Variants in HS3ST5 observed in about 807,000 individuals in gnomAD.
The protein encoded by HS3ST5 is heparan sulfate-glucosamine 3-sulfotransferase 5.
HS3ST5 carries 10 observed loss-of-function variants against 25.4 expected under a neutral mutation model. The observed-to-expected ratio is 0.39, with a 90% CI of 0.24 to 0.67. The LOEUF (loss-of-function observed/expected upper bound fraction) is 0.67, where lower values mean the gene tolerates loss of function less well. Ranked by LOEUF, HS3ST5 falls within the 30% of genes least tolerant of loss-of-function variation. HS3ST5 has a pLI of 0.44. For synonymous variants in HS3ST5, 170 were observed against 162.4 expected (o/e 1.05, Z -0.36); for missense variants, 324 against 420.7 (o/e 0.77, Z 2.01).
chr6:114,288,366 C>T (rs988378240), intron 1 of HS3ST5, among the ~76,000 whole-genome samples: 1 of 151,846 alleles, frequency 6.6e-6, no homozygotes, highest in African/African-American at 2.4e-5. Flanking sequence ...TTATGAACTG[C>T]GATTATATTA....
intron 3 of HS3ST5, among the ~76,000 whole-genome samples, chr6:114,092,295 C>T (rs1276882626): frequency 1.3e-5 from 2 of 152,202 alleles, no homozygotes; most frequent in Non-Finnish European, 2.9e-5. Flanking sequence ...GTGTTGAATA[C>T]ATAGCTGCTG....
intron 1 of HS3ST5, among the ~76,000 whole-genome samples, chr6:114,321,076 A>C (rs1775953136): frequency 6.6e-6 from 1 of 152,000 alleles, no homozygotes; most frequent in South Asian, 2.1e-4. Flanking sequence ...GAACAAATAA[A>C]TGAATGGATT....
intron 1 of HS3ST5, among the ~76,000 whole-genome samples, chr6:114,341,222 G>GGAGA (rs4034605): frequency 0.12 from 5,360 of 46,490 alleles, 672 homozygotes; most frequent in Middle Eastern, 0.15. Flanking sequence ...GGAGAGAGGG[G>GGAGA]GAGAGAGAGA....
At chr6:114,159,972 A>G (rs1376452994) in intron 3 of HS3ST5, among the ~76,000 whole-genome samples, 1 of 152,220 alleles carries the variant, frequency 6.6e-6, no homozygotes, top group Non-Finnish European at 1.5e-5. Context: ...AGCAAATGTA[A>G]AACTTGTAAA....
chr6:114,167,606 C>T (rs1031607365), intron 3 of HS3ST5: 3 of 152,182 alleles, frequency 2.0e-5, no homozygotes, highest in African/African-American at 7.2e-5. Flanking sequence ...AGTCCCTGCT[C>T]TGAGCCACTT....
At chr6:114,237,323 C>T (rs1374534287) in intron 1 of HS3ST5, among the ~76,000 whole-genome samples, 2 of 143,000 alleles carry the variant, frequency 1.4e-5, no homozygotes, top group South Asian at 2.3e-4. Context: ...AAACAAGATA[C>T]GAGTACTTTT....
chr6:114,057,469 G>C lies in HS3ST5; in HGVS notation c.829C>G (p.Pro277Ala). The C allele has an allele frequency of 6.2e-7, 1 of 1,614,122 alleles. No individual in the cohort carries two copies. The highest frequency in any genetic ancestry group is 8.5e-7 in the Non-Finnish European group (1 of 1,180,008). Reference sequence around the variant, plus strand: ...TATAAATTGTATTGACTTATCCTTGGAGGCAGATTTAGGAACTTCTCCACG... The same window carrying C: ...TATAAATTGTATTGACTTATCCTTGCAGGCAGATTTAGGAACTTCTCCACG... Reference protein sequence around the residue: ...QLVEKFLNLPPRISQYNLYFN... With the variant: ...QLVEKFLNLPARISQYNLYFN... The change falls in exon 5 of 5, where the codon CCA becomes GCA. Residue 277 changes from proline to alanine, a missense_variant. Coordinates refer to ENST00000312719, the MANE Select transcript of HS3ST5 (RefSeq NM_153612.4).
At chr6:114,250,816 T>C (rs756672198) in intron 1 of HS3ST5, among the ~76,000 whole-genome samples, 6 of 152,324 alleles carry the variant, frequency 3.9e-5, no homozygotes, top group Non-Finnish European at 7.3e-5. Flanking sequence ...TCTACACTAA[T>C]GCACCTCACT....
chr6:114,187,081 C>G (rs1339629457), intron 2 of HS3ST5, among the ~76,000 whole-genome samples: 1 of 152,120 alleles, frequency 6.6e-6, no homozygotes, highest in Non-Finnish European at 1.5e-5. Context: ...GATAATACAC[C>G]TAGTCACCCA....
intron 1 of HS3ST5, among the ~76,000 whole-genome samples, chr6:114,335,413 G>A (rs1819199): frequency 0.16 from 24,954 of 151,906 alleles, 2,481 homozygotes; most frequent in Admixed American, 0.23. Context: ...TTTATACACT[G>A]AGTTCTATAA....
At chr6:114,064,000 G>T (rs953823349) in intron 3 of HS3ST5, among the ~76,000 whole-genome samples, 2 of 152,200 alleles carry the variant, frequency 1.3e-5, no homozygotes, top group Non-Finnish European at 2.9e-5. Context: ...TACTAGTGCT[G>T]TTATTAAATT....
chr6:114,167,095 C>T (rs1779252804), intron 3 of HS3ST5, among the ~76,000 whole-genome samples: 1 of 152,190 alleles, frequency 6.6e-6, no homozygotes, highest in Admixed American at 6.5e-5. Flanking sequence ...AAGCCATTCT[C>T]CTGCCTCAGT....
intron 1 of HS3ST5, among the ~76,000 whole-genome samples, chr6:114,339,699 T>G (rs980597448): frequency 6.6e-6 from 1 of 152,132 alleles, no homozygotes; most frequent in Non-Finnish European, 1.5e-5. Context: ...GCACAGATAG[T>G]TATATTACTC....
chr6:114,141,091 C>T (rs1200967604), intron 3 of HS3ST5, among the ~76,000 whole-genome samples: 1 of 152,136 alleles, frequency 6.6e-6, no homozygotes, highest in African/African-American at 2.4e-5. Context: ...ATCAAGAGGA[C>T]ACCTCTGGCT....
Position 114,123,613 on chromosome 6 carries a change from G to T in HS3ST5, c.-33+44738C>A, listed in dbSNP as rs1054619065. On this transcript the variant is annotated intron_variant, in intron 3 of 4. Coordinates refer to ENST00000312719, the MANE Select transcript of HS3ST5 (RefSeq NM_153612.4). ...CAATCAAGTCACTTTTTGAATGCAA[G>T]CATATAGATCCACAATCCCATTCAG... Among the ~76,000 whole-genome samples, 20 of 152,230 alleles carry T rather than the reference G, an allele frequency of 1.3e-4. 1 individual carries two copies. In the South Asian group the frequency reaches 3.9e-3, roughly 30 times the overall value.
rs7755123 is a variant in HS3ST5 at position 114,283,794 on chromosome 6, T to C, written c.-338-55016A>G. 4.1e-3 allele frequency among the ~76,000 whole-genome samples: 630 copies of C among 152,180 alleles called. 7 individuals are homozygous for C. Among genetic ancestry groups the C allele is most frequent in the African/African-American group, 0.014 (596 of 41,548 alleles). On this transcript the variant is annotated intron_variant, in intron 1 of 4. Coordinates refer to ENST00000312719, the MANE Select transcript of HS3ST5 (RefSeq NM_153612.4). The stretch of plus-strand genomic sequence containing the variant: ...GAAATTTATTGCCTGTGCTGAGAAA[T>C]ACTATTAGAAACTGATTCAGGATAT...
chr6:114,317,026 CTA>C (rs1775773169), intron 1 of HS3ST5, among the ~76,000 whole-genome samples: 2 of 152,090 alleles, frequency 1.3e-5, no homozygotes, highest in Non-Finnish European at 2.9e-5. Flanking sequence ...AATTATTCTT[CTA>C]TGTTTTAATG....
At chr6:114,249,358 T>G (rs1039167446) in intron 1 of HS3ST5, among the ~76,000 whole-genome samples, 5 of 152,246 alleles carry the variant, frequency 3.3e-5, no homozygotes, top group African/African-American at 1.2e-4. Context: ...CAATCATGCA[T>G]TTAAAGTTAC....
At chr6:114,296,267 C>T (rs1329504750) in intron 1 of HS3ST5, among the ~76,000 whole-genome samples, 2 of 151,892 alleles carry the variant, frequency 1.3e-5, no homozygotes, top group East Asian at 3.9e-4. Flanking sequence ...TATAGAATGC[C>T]ACGTCATAGA....
Sources: allele counts gnomAD v4.1 joint callset (sites outside exome capture counted in the v4.1 genomes callset), GRCh38; gene constraint gnomAD v4.1.1; transcripts MANE v1.5; gene names NCBI Gene and HGNC (gene_info 2026-07-23, HGNC 2026-07-21).